The following DNER variants were observed in gnomAD, a reference collection of about 807,000 sequenced individuals.
DNER encodes delta and Notch-like epidermal growth factor-related receptor.
A neutral mutation model predicts 78.2 loss-of-function variants in DNER; 33 were observed. The observed-to-expected ratio is 0.42, with a 90% confidence interval of 0.32 to 0.56. The LOEUF (loss-of-function observed/expected upper bound fraction) is 0.56, where lower values mean the gene tolerates loss of function less well. Ranked by LOEUF, DNER falls within the 20% of genes least tolerant of loss-of-function variation. The probability of loss-of-function intolerance (pLI) is 0.11; values close to 1 mark genes in which losing one functional copy is unlikely to be tolerated. For missense variants in DNER, 918 were observed against 975.3 expected, an observed-to-expected ratio of 0.94 and a Z score of 0.78; for synonymous variants, 417 against 384.8, an observed-to-expected ratio of 1.08 and a Z score of -0.98.
intron 1 of DNER, among the ~76,000 whole-genome samples, chr2:229,710,867 A>T (rs2154217891): frequency 6.6e-6 from 1 of 152,154 alleles, no homozygotes. Context: ...GATTTACAGC[A>T]CTTAATTAAT....
At chr2:229,431,929 C>T (rs1222952446) in intron 8 of DNER, among the ~76,000 whole-genome samples, 1 of 152,142 alleles carries the variant, frequency 6.6e-6, no homozygotes, top group Non-Finnish European at 1.5e-5. Flanking sequence ...AAATATTTCT[C>T]TACAGCTTGC....
At position 229,576,891 on chromosome 2, in the gene DNER, G is replaced by A. The variant is rs193001316; in HGVS notation, c.847+8967C>T. On this transcript the variant is annotated intron_variant, in intron 4 of 12. Transcript: ENST00000341772. ...GCAAGCCAAACCACAGGGTTCAGAG[G>A]CAGGAAAGACACAGCCCCAATCTGA... is the stretch of plus-strand genomic sequence containing the variant. 2.4e-4 allele frequency among the ~76,000 whole-genome samples: 36 copies of A among 152,270 alleles called. 1 individual carries two copies. The East Asian group carries it at 5.4e-3, about 23-fold the overall frequency.
intron 1 of DNER, among the ~76,000 whole-genome samples, chr2:229,596,322 C>A (rs567265843): frequency 2.6e-5 from 4 of 152,310 alleles, no homozygotes; most frequent in African/African-American, 4.8e-5. Context: ...CAAGGCGGAG[C>A]CTTAAATGTC....
intron 1 of DNER, among the ~76,000 whole-genome samples, chr2:229,617,778 C>A (rs374113991): frequency 1.9e-4 from 29 of 152,162 alleles, no homozygotes; most frequent in East Asian, 1.4e-3. Flanking sequence ...ACATGGCAAA[C>A]CCCATCTCTA....
At chr2:229,414,654 T>G (rs1284995579) in intron 9 of DNER, among the ~76,000 whole-genome samples, 1 of 151,950 alleles carries the variant, frequency 6.6e-6, no homozygotes, top group Non-Finnish European at 1.5e-5. Flanking sequence ...GAAACCACTT[T>G]ACTTGTTGAA....
intron 5 of DNER, among the ~76,000 whole-genome samples, chr2:229,538,269 A>G (rs1359433120): frequency 6.6e-6 from 1 of 152,256 alleles, no homozygotes; most frequent in Non-Finnish European, 1.5e-5. Context: ...GTTAGCATTA[A>G]GTCTGGAGCA....
intron 1 of DNER, among the ~76,000 whole-genome samples, chr2:229,662,604 C>G (rs568368401): frequency 6.6e-6 from 1 of 152,160 alleles, no homozygotes; most frequent in African/African-American, 2.4e-5. Context: ...AACAACCACC[C>G]TCTCCTCCCT....
rs144588321 is a variant in DNER at position 229,601,387 on chromosome 2, C to T, written c.277-9499G>A. Among the ~76,000 whole-genome samples, 92 of 152,270 alleles carry T rather than the reference C, an allele frequency of 6.0e-4. 1 individual carries two copies. The East Asian group carries it at 0.014, about 23-fold the overall frequency. The stretch of plus-strand genomic sequence containing the variant: ...CAGTAGTAGACTCAGCCAAGAAATG[C>T]ATCCCAAGATTTTTTTCCCAAATCC... On this transcript the variant is annotated intron_variant, in intron 1 of 12. Coordinates refer to ENST00000341772, the MANE Select transcript of DNER (RefSeq NM_139072.4).
At chr2:229,683,219 T>C (rs1010441051) in intron 1 of DNER, among the ~76,000 whole-genome samples, 2 of 152,154 alleles carry the variant, frequency 1.3e-5, no homozygotes, top group African/African-American at 2.4e-5. Flanking sequence ...CTCTTAGATA[T>C]ATATTGTTAC....
chr2:229,486,943 C>T (rs1695288747), intron 6 of DNER, among the ~76,000 whole-genome samples: 1 of 152,122 alleles, frequency 6.6e-6, no homozygotes, highest in Non-Finnish European at 1.5e-5. Flanking sequence ...ACAGGTGATA[C>T]TAATACAAGG....
intron 9 of DNER, among the ~76,000 whole-genome samples, chr2:229,413,152 T>G (rs2396661): frequency 0.33 from 50,333 of 151,736 alleles, 8,737 homozygotes; most frequent in African/African-American, 0.42. Context: ...TCTAAGAGTC[T>G]TACATTATTA....
intron 6 of DNER, among the ~76,000 whole-genome samples, chr2:229,485,602 T>C (rs1695252777): frequency 6.6e-6 from 1 of 152,294 alleles, no homozygotes; most frequent in Middle Eastern, 3.4e-3. Flanking sequence ...CCAACCCATA[T>C]ATCATTATCG....
chr2:229,368,142 G>A (rs909481172), intron 11 of DNER, among the ~76,000 whole-genome samples: 1 of 152,082 alleles, frequency 6.6e-6, no homozygotes, highest in Non-Finnish European at 1.5e-5. Context: ...CAGGCAGATT[G>A]TTTTGAGCTT....
At chr2:229,622,045 C>T (rs533124221) in intron 1 of DNER, among the ~76,000 whole-genome samples, 5 of 152,284 alleles carry the variant, frequency 3.3e-5, no homozygotes, top group Non-Finnish European at 7.4e-5. Context: ...GAGATCGCGC[C>T]GCTGCCCTCC....
At chr2:229,445,245 G>A (rs1279526531) in intron 8 of DNER, among the ~76,000 whole-genome samples, 3 of 152,210 alleles carry the variant, frequency 2.0e-5, no homozygotes, top group South Asian at 4.2e-4. Flanking sequence ...CACAGGACAC[G>A]CAGCTCACAG....
At chr2:229,574,702 A>T (rs1309151039) in intron 4 of DNER, among the ~76,000 whole-genome samples, 1 of 152,212 alleles carries the variant, frequency 6.6e-6, no homozygotes, top group African/African-American at 2.4e-5. Context: ...ATTCTTCAAA[A>T]GAAAATAAAT....
intron 5 of DNER, 113 bp downstream of exon 5, chr2:229,546,814 CAGACAGACAGACAGACAGAT>C: frequency 7.8e-7 from 1 of 1,290,172 alleles, no homozygotes. Context: ...GACAGACAGA[CAGACAGACAGACAGACAGAT>C]AGATAGATAG....
chr2:229,376,235 A>G (rs899572252), intron 11 of DNER, among the ~76,000 whole-genome samples: 3 of 152,158 alleles, frequency 2.0e-5, no homozygotes, highest in African/African-American at 7.2e-5. Context: ...GTCTTTGGGA[A>G]GTGATTAAGT....
intron 1 of DNER, among the ~76,000 whole-genome samples, chr2:229,636,529 G>A (rs1698533975): frequency 6.6e-6 from 1 of 152,212 alleles, no homozygotes. Flanking sequence ...TTACTGACTA[G>A]GTCCAGAGAG....
Sources: allele counts gnomAD v4.1 joint callset (sites outside exome capture counted in the v4.1 genomes callset), GRCh38; gene constraint gnomAD v4.1.1; transcripts MANE v1.5; gene names NCBI Gene and HGNC (gene_info 2026-07-23, HGNC 2026-07-21).